PCSK2: variants seen among roughly 807,000 people sequenced by gnomAD.
The protein encoded by PCSK2 is neuroendocrine convertase 2.
In PCSK2, 14 loss-of-function variants were observed where a neutral mutation model predicts 69.7. The ratio of observed to expected loss-of-function variants is 0.20; its 90% CI spans 0.13 to 0.31. The LOEUF (loss-of-function observed/expected upper bound fraction) is 0.31. PCSK2 is among the 10% of genes least tolerant of loss of function. The pLI, the probability that PCSK2 is intolerant of heterozygous loss-of-function variation, is 1.00. For missense variants in PCSK2, 544 were observed against 842.5 expected (o/e 0.65, Z 4.39); for synonymous variants, 307 against 320.7 (o/e 0.96, Z 0.46).
intron 5 of PCSK2, among the ~76,000 whole-genome samples, chr20:17,374,985 C>T (rs1431521578): frequency 6.6e-6 from 1 of 152,168 alleles, no homozygotes; most frequent in Non-Finnish European, 1.5e-5. Context: ...CTCCCTACCT[C>T]ATGATGCAGC....
chr20:17,304,467 A>G (rs535084164), intron 2 of PCSK2, among the ~76,000 whole-genome samples: 39 of 152,298 alleles, frequency 2.6e-4, no homozygotes, highest in Admixed American at 2.0e-4. Context: ...AGAGCCAATT[A>G]CTGGTTAATA....
intron 2 of PCSK2, among the ~76,000 whole-genome samples, chr20:17,356,611 A>G (rs1221347510): frequency 6.6e-6 from 1 of 152,024 alleles, no homozygotes; most frequent in Admixed American, 6.6e-5. Context: ...CTCATCTGGT[A>G]TCCATTAGAG....
At chr20:17,378,607 GGA>G (rs1374006831) in intron 5 of PCSK2, among the ~76,000 whole-genome samples, 2 of 126,482 alleles carry the variant, frequency 1.6e-5, no homozygotes, top group Non-Finnish European at 3.7e-5. Context: ...ATGGATGGAT[GGA>G]TGGATGGATG....
chr20:17,479,146 AC>A, intron 11 of PCSK2: 1 of 1,371,486 alleles, frequency 7.3e-7, no homozygotes. Context: ...CTCCCATCTT[AC>A]GGTACAGGTT....
intron 11 of PCSK2, among the ~76,000 whole-genome samples, chr20:17,478,386 G>A (rs548006926): frequency 7.9e-5 from 12 of 152,108 alleles, no homozygotes; most frequent in Non-Finnish European, 1.2e-4. Context: ...GGAATGAATT[G>A]TAAGGCAGCT....
At chr20:17,406,588 T>C (rs1037104529) in intron 5 of PCSK2, among the ~76,000 whole-genome samples, 2 of 152,152 alleles carry the variant, frequency 1.3e-5, no homozygotes, top group African/African-American at 4.8e-5. Flanking sequence ...ACTCTCCAGG[T>C]CCTGCTTCCA....
At chr20:17,322,973 C>T (rs556423326) in intron 2 of PCSK2, among the ~76,000 whole-genome samples, 1 of 152,282 alleles carries the variant, frequency 6.6e-6, no homozygotes, top group African/African-American at 2.4e-5. Flanking sequence ...AAGTGATTCT[C>T]CTGCCTCACT....
intron 2 of PCSK2, among the ~76,000 whole-genome samples, chr20:17,345,243 C>T (rs2123180289): frequency 6.6e-6 from 1 of 152,230 alleles, no homozygotes; most frequent in East Asian, 1.9e-4. Flanking sequence ...CAAATGCTGC[C>T]CCTGCTTCCA....
At chr20:17,297,131 G>T (rs1988921051) in intron 2 of PCSK2, among the ~76,000 whole-genome samples, 1 of 152,150 alleles carries the variant, frequency 6.6e-6, no homozygotes, top group African/African-American at 2.4e-5. Context: ...GTATGCAGTG[G>T]GGACAGCCAA....
At chr20:17,320,041 G>T (rs1989816428) in intron 2 of PCSK2, among the ~76,000 whole-genome samples, 1 of 152,122 alleles carries the variant, frequency 6.6e-6, no homozygotes, top group African/African-American at 2.4e-5. Flanking sequence ...AGAAAGAAAA[G>T]ACAGAGCTCA....
intron 6 of PCSK2, among the ~76,000 whole-genome samples, chr20:17,417,505 T>A (rs778054494): frequency 6.6e-6 from 1 of 152,202 alleles, no homozygotes; most frequent in African/African-American, 2.4e-5. Flanking sequence ...CACTATGGCT[T>A]GTTATTACAA....
intron 7 of PCSK2, among the ~76,000 whole-genome samples, chr20:17,433,889 C>CCT (rs2032427065): frequency 1.2e-5 from 1 of 82,722 alleles, no homozygotes; most frequent in Non-Finnish European, 2.2e-5. Context: ...CTCCTCCTCC[C>CCT]CCCCCCTTCC....
At chr20:17,335,427 T>TGTGTGTGTGTGTGTG (rs74179104) in intron 2 of PCSK2, among the ~76,000 whole-genome samples, 4 of 139,192 alleles carry the variant, frequency 2.9e-5, no homozygotes, top group African/African-American at 8.1e-5. Context: ...CAGCATCACT[T>TGTGTGTGTGTGTGTG]TGTGTGTGTG....
At chr20:17,327,729 A>G (rs1480101730) in intron 2 of PCSK2, among the ~76,000 whole-genome samples, 7 of 152,226 alleles carry the variant, frequency 4.6e-5, no homozygotes, top group African/African-American at 1.7e-4. Context: ...AGAATAATAC[A>G]ACAAATTAAG....
chr20:17,249,774 T>A (rs922681955), intron 1 of PCSK2, among the ~76,000 whole-genome samples: 22 of 152,118 alleles, frequency 1.4e-4, no homozygotes, highest in African/African-American at 5.3e-4. Context: ...ATTCCACTTA[T>A]ATAACCTAAT....
chr20:17,465,535 G>T lies in PCSK2; in HGVS notation c.1412G>T (p.Gly471Val), dbSNP rs780859674. ...CCTGAGAGATTCCACTGTGTGGGAGGCTCCGTGCAGGACCCTGAGTAAGTG... is the reference window on the plus strand; with the variant it reads ...CCTGAGAGATTCCACTGTGTGGGAGTCTCCGTGCAGGACCCTGAGTAAGTG... ...TVPERFHCVG[G>V]SVQDPEKIPS... Residue 471 changes from glycine to valine, a missense_variant, in exon 11 of 12, where the codon GGC becomes GTC. Coordinates refer to ENST00000262545, the MANE Select transcript of PCSK2 (RefSeq NM_002594.5). 1.9e-6 allele frequency: 3 copies of T among 1,599,670 alleles called. No homozygotes were observed. The highest frequency in any genetic ancestry group is 1.7e-6 in the Non-Finnish European group (2 of 1,171,990).
At chr20:17,235,934 C>G (rs8122438) in intron 1 of PCSK2, among the ~76,000 whole-genome samples, 3,512 of 151,900 alleles carry the variant, frequency 0.023, 128 homozygotes, top group African/African-American at 0.08. Flanking sequence ...AGTTAGGAAC[C>G]CTGATAATAT....
intron 2 of PCSK2, among the ~76,000 whole-genome samples, chr20:17,340,576 A>C (rs143946264): frequency 2.8e-3 from 427 of 152,084 alleles, no homozygotes; most frequent in African/African-American, 8.9e-3. Context: ...AAAATTCTTC[A>C]ATTTTACTGC....
chr20:17,482,165 C>A lies in PCSK2; in HGVS notation c.*95C>A. 8.8e-7 allele frequency: 1 copy of A among 1,139,754 alleles called. No homozygotes were observed. The highest frequency in any genetic ancestry group is 1.2e-6 in the Non-Finnish European group (1 of 823,354). The allele number at this position is 1,139,754 out of a possible 1,614,324, so 70.6% of individuals were successfully genotyped here. A position where few individuals can be genotyped will look rare whatever the true frequency, so the allele number is the denominator to read the frequency against. On this transcript the variant is annotated 3_prime_UTR_variant, in exon 12 of 12. Transcript: ENST00000262545. Reference sequence around the variant, plus strand: ...GCAGGCACCTAGCAATTCCATCACCCGTACAGGCAATTCCGTCTTCTTAAT... The same window carrying A: ...GCAGGCACCTAGCAATTCCATCACCAGTACAGGCAATTCCGTCTTCTTAAT...
Sources: allele counts gnomAD v4.1 joint callset (sites outside exome capture counted in the v4.1 genomes callset), GRCh38; gene constraint gnomAD v4.1.1; transcripts MANE v1.5; gene names NCBI Gene and HGNC (gene_info 2026-07-23, HGNC 2026-07-21).